FOXP2: variants seen among roughly 807,000 people sequenced by gnomAD.
FOXP2 encodes forkhead box protein P2.
Under a neutral mutation model 115.8 loss-of-function variants are expected in FOXP2, and 12 were observed. The ratio of observed to expected loss-of-function variants is 0.10; its 90% CI spans 0.07 to 0.17. FOXP2 has a LOEUF of 0.17. FOXP2 is among the 10% of genes least tolerant of loss of function. The pLI, the probability that FOXP2 is intolerant of heterozygous loss-of-function variation, is 1.00. For missense variants in FOXP2, 629 were observed against 843.5 expected (o/e 0.75, Z 3.15); for synonymous variants, 328 against 297.7 (o/e 1.10, Z -1.05).
At chr7:114,232,243 G>A (rs951009721) in intron 1 of FOXP2, among the ~76,000 whole-genome samples, 1 of 152,110 alleles carries the variant, frequency 6.6e-6, no homozygotes, top group African/African-American at 2.4e-5. Flanking sequence ...GGAGAAATTG[G>A]AACACTTAGG....
chr7:114,142,815 A>G (rs373257041), intron 1 of FOXP2, among the ~76,000 whole-genome samples: 24 of 151,966 alleles, frequency 1.6e-4, no homozygotes, highest in African/African-American at 5.8e-4. Flanking sequence ...TAAATCTGAG[A>G]TATTTTTGAG....
intron 1 of FOXP2, among the ~76,000 whole-genome samples, chr7:114,101,975 A>G (rs922432079): frequency 2.0e-5 from 3 of 148,592 alleles, no homozygotes; most frequent in Non-Finnish European, 4.5e-5. Flanking sequence ...GTTCTGTTTC[A>G]TCTCAGTTAT....
intron 1 of FOXP2, among the ~76,000 whole-genome samples, chr7:114,244,236 A>G (rs1795222575): frequency 1.3e-5 from 2 of 152,212 alleles, no homozygotes; most frequent in Non-Finnish European, 2.9e-5. Flanking sequence ...ATATGACATT[A>G]GTATGGTATA....
chr7:114,366,298 A>T (rs1002592509), intron 2 of FOXP2, among the ~76,000 whole-genome samples: 4 of 152,122 alleles, frequency 2.6e-5, no homozygotes, highest in Non-Finnish European at 4.4e-5. Flanking sequence ...TTCATATCTA[A>T]TCTCATTAGA....
At position 114,389,223 on chromosome 7, in the gene FOXP2, A is replaced by G. The variant is rs60929226; in HGVS notation, c.-10-37279A>G. 7.6e-3 allele frequency among the ~76,000 whole-genome samples: 1,152 copies of G among 152,318 alleles called. 11 individuals carry two copies. The highest frequency in any genetic ancestry group is 0.026 in the African/African-American group (1,100 of 41,572). The stretch of plus-strand genomic sequence containing the variant: ...ACTGTTCCAAAATGAACTCAGTAAA[A>G]CTAATTTTATAGCATACCAAGACAA... On this transcript the variant is annotated intron_variant, in intron 2 of 17. Coordinates refer to the FOXP2 transcript ENST00000634411.
intron 2 of FOXP2, among the ~76,000 whole-genome samples, chr7:114,295,348 C>T (rs750942099): frequency 1.1e-4 from 17 of 152,104 alleles, no homozygotes; most frequent in Non-Finnish European, 2.4e-4. Flanking sequence ...TGGAATTAGT[C>T]TTTAATGATA....
chr7:114,692,366 T>C lies in FOXP2; in HGVS notation c.*2440T>C. The C allele has an allele frequency of 2.2e-6, 1 of 453,862 alleles. No homozygotes were observed. Among genetic ancestry groups the C allele is most frequent in the South Asian group, 1.6e-5 (1 of 64,424 alleles). 28.1% of individuals were successfully genotyped at this position (453,862 alleles called of 1,614,324 possible). A position where few individuals can be genotyped will look rare whatever the true frequency, so the allele number is the denominator to read the frequency against. On this transcript the variant is annotated 3_prime_UTR_variant, in exon 17 of 17. Transcript: ENST00000350908. ...GAATACAATTTTAAAAAATAGCTGC[T>C]TGCACATTATACCAGAAAAACCTCC...
chr7:114,369,082 C>T, intron 2 of FOXP2, among the ~76,000 whole-genome samples: 1 of 152,128 alleles, frequency 6.6e-6, no homozygotes, highest in South Asian at 2.1e-4. Context: ...GAAACTCAGC[C>T]AGGGTTGTCT....
intron 9 of FOXP2, 92 bp downstream of exon 9, chr7:114,652,382 TTACTGTCTTAGCCATTCAA>T: frequency 9.0e-7 from 1 of 1,110,518 alleles, no homozygotes; most frequent in Non-Finnish European, 1.3e-6. Flanking sequence ...AGCCTGCATT[TTACTGTCTTAGCCATTCAA>T]TACTAATGGA....
intron 13 of FOXP2, chr7:114,661,762 G>A: frequency 2.7e-6 from 1 of 366,748 alleles, no homozygotes; most frequent in Admixed American, 3.9e-5. Flanking sequence ...AATTGTTCTG[G>A]CATTTTCAAA....
At chr7:114,462,065 G>A (rs1264059198) in intron 2 of FOXP2, among the ~76,000 whole-genome samples, 1 of 151,882 alleles carries the variant, frequency 6.6e-6, no homozygotes, top group African/African-American at 2.4e-5. Flanking sequence ...CTGATCACGA[G>A]GTCAAGAGAT....
At chr7:114,565,006 A>T (rs1477782592) in intron 3 of FOXP2, among the ~76,000 whole-genome samples, 1 of 151,900 alleles carries the variant, frequency 6.6e-6, no homozygotes, top group Non-Finnish European at 1.5e-5. Flanking sequence ...AAATAGCATT[A>T]ATATTTCACA....
chr7:114,269,878 C>T (rs994037622), intron 1 of FOXP2, among the ~76,000 whole-genome samples: 6 of 152,064 alleles, frequency 3.9e-5, no homozygotes, highest in African/African-American at 1.4e-4. Flanking sequence ...AAAGTAATGA[C>T]CTCTCCATCA....
chr7:114,393,553 C>A (rs1323162715), intron 2 of FOXP2, among the ~76,000 whole-genome samples: 1 of 151,936 alleles, frequency 6.6e-6, no homozygotes, highest in East Asian at 1.9e-4. Context: ...AGGGGGCGTC[C>A]TTATGGGGTA....
chr7:114,512,329 A>G (rs1028227763), intron 2 of FOXP2, among the ~76,000 whole-genome samples: 5 of 152,224 alleles, frequency 3.3e-5, no homozygotes, highest in Non-Finnish European at 7.3e-5. Flanking sequence ...CCCATTGATA[A>G]GAAATTTGTG....
At chr7:114,263,027 T>C (rs2129171571) in intron 1 of FOXP2, among the ~76,000 whole-genome samples, 1 of 152,312 alleles carries the variant, frequency 6.6e-6, no homozygotes, top group Admixed American at 6.5e-5. Flanking sequence ...TTTAGCTCTG[T>C]TGCACAGTAA....
intron 1 of FOXP2, among the ~76,000 whole-genome samples, chr7:114,242,720 C>T (rs1463479366): frequency 6.6e-6 from 1 of 152,120 alleles, no homozygotes; most frequent in African/African-American, 2.4e-5. Flanking sequence ...AAAAGATATT[C>T]AGAGAGAAAC....
At chr7:114,326,240 A>C (rs983495202) in intron 2 of FOXP2, among the ~76,000 whole-genome samples, 9 of 152,112 alleles carry the variant, frequency 5.9e-5, no homozygotes, top group African/African-American at 2.2e-4. Context: ...AAGAGTACAA[A>C]GTTTGTACTC....
At chr7:114,420,973 A>G (rs1181448594) in intron 1 of FOXP2, among the ~76,000 whole-genome samples, 1 of 151,716 alleles carries the variant, frequency 6.6e-6, no homozygotes, top group Admixed American at 6.6e-5. Flanking sequence ...ATGAAGATTA[A>G]TGTGAAAATA....
Sources: allele counts gnomAD v4.1 joint callset (sites outside exome capture counted in the v4.1 genomes callset), GRCh38; gene constraint gnomAD v4.1.1; transcripts MANE v1.5; gene names NCBI Gene and HGNC (gene_info 2026-07-23, HGNC 2026-07-21).